Variants in PFKFB4 observed in about 807,000 individuals in gnomAD.
The protein encoded by PFKFB4 is 6-phosphofructo-2-kinase/fructose-2,6-biphosphatase 4.
Under a neutral mutation model 62.8 loss-of-function variants are expected in PFKFB4, and 42 were observed. The observed-to-expected ratio is 0.67, with a 90% confidence interval of 0.52 to 0.86. PFKFB4 has a LOEUF of 0.86. Among genes scored for constraint, PFKFB4 ranks in the 40% least tolerant of loss-of-function variants. The pLI is 0.00. For synonymous variants in PFKFB4, 204 were observed against 240.7 expected (o/e 0.85, Z 1.41); for missense variants, 475 against 627.2 (o/e 0.76, Z 2.59).
At chr3:48,541,474 C>T (rs2042797696) in intron 4 of PFKFB4, among the ~76,000 whole-genome samples, 1 of 151,762 alleles carries the variant, frequency 6.6e-6, no homozygotes, top group Non-Finnish European at 1.5e-5. Context: ...CAGAGTCTCG[C>T]TATGTAAGCT....
At chr3:48,556,830 A>C, upstream of PFKFB4, 1 of 1,526,744 alleles carries the variant, frequency 6.5e-7, no homozygotes, top group South Asian at 1.2e-5. This position sits in a 1 kb window ranked among gnomAD's most constrained non-coding sequence, Gnocchi z 5.7. Flanking sequence ...CAGCCGGGCC[A>C]CCTCGGGCCA....
chr3:48,525,716 G>A (rs762166889), intron 9 of PFKFB4, 47 bp from the exon 10 acceptor site: 7 of 1,058,780 alleles, frequency 6.6e-6, no homozygotes, highest in Admixed American at 2.1e-5. Flanking sequence ...CCCAGAAGAT[G>A]AGCCTTGGGG....
At chr3:48,536,521 A>G in intron 7 of PFKFB4, 58 bp from the exon 8 acceptor site, 1 of 1,372,096 alleles carries the variant, frequency 7.3e-7, no homozygotes, top group Admixed American at 1.8e-5. Context: ...CTCACAGAGC[A>G]CATCTGGCTA....
At position 48,520,723 on chromosome 3, in the gene PFKFB4, C is replaced by T. The variant is rs573354656; in HGVS notation, c.1351-917G>A. On this transcript the variant is annotated intron_variant, in intron 13 of 13. Coordinates refer to ENST00000232375, the MANE Select transcript of PFKFB4 (RefSeq NM_004567.4). ...GGGCCAGAAGGGAGCCATCCAGGAA[C>T]CTGGGGTTAGTAGCGGTTTGCCTCT... 5.9e-5 allele frequency among the ~76,000 whole-genome samples: 9 copies of T among 152,346 alleles called. No individual in the cohort carries two copies. The South Asian group carries it at 1.9e-3, about 32-fold the overall frequency.
At position 48,556,491 on chromosome 3, in the gene PFKFB4, C is replaced by T. The variant is rs2043325349; in HGVS notation, c.97+190G>A. On this transcript the variant is annotated intron_variant, in intron 1 of 13. Coordinates refer to ENST00000232375, the MANE Select transcript of PFKFB4 (RefSeq NM_004567.4). The surrounding 1 kb of genome is among the most constrained non-coding windows in gnomAD (Gnocchi z 5.7). ...TGTCCCCGCCCCCTGCTCTGCCACA[C>T]CTGTCTCTGGCCCACCACTGTCACG... is the stretch of plus-strand genomic sequence containing the variant. 6.6e-6 allele frequency among the ~76,000 whole-genome samples: 1 copy of T among 152,014 alleles called. No homozygotes were observed. Among genetic ancestry groups the T allele is most frequent in the Admixed American group, 6.5e-5 (1 of 15,276 alleles).
intron 13 of PFKFB4, among the ~76,000 whole-genome samples, chr3:48,520,457 G>T (rs1489342818): frequency 6.6e-6 from 1 of 152,154 alleles, no homozygotes. Context: ...GAGCCTGGTG[G>T]CCCCTCCTCC....
chr3:48,538,585 C>T lies in PFKFB4; in HGVS notation c.545G>A (p.Arg182His), dbSNP rs1310787200. The change falls in exon 7 of 14, where the codon CGC becomes CAC. Residue 182 changes from arginine (R) to histidine (H), a missense_variant. By Grantham distance (29) the Arg-to-His change is conservative. Transcript: ENST00000232375. ...VKLGSPDYVN[R>H]DSDEATEDFM... ...GTCCTCCGTAGCCTCATCACTGTCG[C>T]GGTTGACATAGTCAGGGCTGCCCAG... 5.0e-6 allele frequency: 8 copies of T among 1,614,068 alleles called. No individual in the cohort carries two copies. The highest frequency in any genetic ancestry group is 1.7e-5 in the Admixed American group (1 of 60,004).
At chr3:48,527,941 G>A (rs1036510303) in intron 9 of PFKFB4, among the ~76,000 whole-genome samples, 2 of 151,814 alleles carry the variant, frequency 1.3e-5, no homozygotes, top group Non-Finnish European at 2.9e-5. Flanking sequence ...TGCCCATCTC[G>A]GCCTCCCAAA....
At chr3:48,525,320 G>C (rs950487587) in intron 10 of PFKFB4, among the ~76,000 whole-genome samples, 7 of 152,172 alleles carry the variant, frequency 4.6e-5, no homozygotes, top group Non-Finnish European at 1.0e-4. Context: ...GGAGCCAAAG[G>C]TCTCCAGGTT....
At chr3:48,523,243 G>C (rs1174554539) in intron 12 of PFKFB4, among the ~76,000 whole-genome samples, 1 of 152,042 alleles carries the variant, frequency 6.6e-6, no homozygotes, top group Non-Finnish European at 1.5e-5. Flanking sequence ...AATTAGCTGG[G>C]CATGGTGGCA....
At chr3:48,543,752 C>T (rs1479565360) in intron 3 of PFKFB4, 106 bp from the exon 4 acceptor site, 6 of 816,038 alleles carry the variant, frequency 7.4e-6, no homozygotes, top group African/African-American at 3.4e-5. Flanking sequence ...GGAACAGCCC[C>T]GAGGTCTCTT....
Position 48,555,620 on chromosome 3 carries a change from G to A in PFKFB4, c.97+1061C>T, listed in dbSNP as rs374200159. On this transcript the variant is annotated intron_variant, in intron 1 of 13. Transcript: ENST00000232375. ...TTTTCCTGGTAATAAAAAAGTTGCA[G>A]GCCAGGACCCACGCCTGTAATCTCA... Among the ~76,000 whole-genome samples, 7 of 152,242 alleles carry A rather than the reference G, an allele frequency of 4.6e-5. No homozygotes were observed. In the East Asian group the frequency reaches 9.6e-4, roughly 21 times the overall value.
At chr3:48,544,586 A>G (rs1378523554) in intron 3 of PFKFB4, among the ~76,000 whole-genome samples, 1 of 151,842 alleles carries the variant, frequency 6.6e-6, no homozygotes, top group African/African-American at 2.4e-5. Context: ...AGCTGAAACT[A>G]CAGGGATATG....
At chr3:48,541,086 AT>A (rs763161680) in intron 4 of PFKFB4, among the ~76,000 whole-genome samples, 361 of 128,250 alleles carry the variant, frequency 2.8e-3, no homozygotes, top group Middle Eastern at 4.8e-3. Flanking sequence ...CATCTGGCTA[AT>A]TTTTTTTTTT....
chr3:48,546,162 G>A (rs1279153636), intron 3 of PFKFB4, among the ~76,000 whole-genome samples: 1 of 152,094 alleles, frequency 6.6e-6, no homozygotes, highest in Non-Finnish European at 1.5e-5. Context: ...AGTATTCCCT[G>A]GGCCCATGTA....
chr3:48,538,938 GGGA>G (rs773242849), intron 6 of PFKFB4, among the ~76,000 whole-genome samples: 8 of 152,142 alleles, frequency 5.3e-5, no homozygotes, highest in Non-Finnish European at 8.8e-5. Flanking sequence ...GATAAACTGG[GGGA>G]GGGGAAGGAA....
intron 9 of PFKFB4, among the ~76,000 whole-genome samples, chr3:48,533,645 A>G (rs2042499604): frequency 1.3e-5 from 2 of 152,196 alleles, no homozygotes; most frequent in Admixed American, 6.6e-5. Context: ...GCCTGAGGTC[A>G]GGAATTCAAG....
intron 9 of PFKFB4, among the ~76,000 whole-genome samples, chr3:48,530,833 C>G (rs1007071385): frequency 6.6e-6 from 1 of 152,062 alleles, no homozygotes; most frequent in Non-Finnish European, 1.5e-5. Context: ...CAGCCTCCCA[C>G]GTAGCTGGGA....
At chr3:48,561,032 C>G (rs1385134161), upstream of PFKFB4, 7 of 1,261,700 alleles carry the variant, frequency 5.5e-6, no homozygotes, top group Non-Finnish European at 7.2e-6. The surrounding 1 kb of genome is among the most constrained non-coding windows in gnomAD (Gnocchi z 5.2). Context: ...TCCACCCTCC[C>G]CACGCTGTCC....
Sources: gnomAD v4.1 joint callset for allele counts (sites outside exome capture counted in the v4.1 genomes callset) on GRCh38, gnomAD v4.1.1 for gene constraint, Gnocchi (gnomAD v3.1) non-coding constraint, MANE v1.5 for transcripts, NCBI Gene and HGNC (gene_info 2026-07-23, HGNC 2026-07-21) for gene names.